ACACA: variants seen among roughly 807,000 people sequenced by gnomAD.
ACACA encodes the protein acetyl-CoA carboxylase alpha.
Under a neutral mutation model 296.1 loss-of-function variants are expected in ACACA, and 103 were observed. That is an observed-to-expected ratio of 0.35 (90% CI 0.30 to 0.41). The LOEUF (loss-of-function observed/expected upper bound fraction) is 0.41. Among genes scored for constraint, ACACA ranks in the 10% least tolerant of loss-of-function variants. The pLI is 1.00. For missense variants in ACACA, 1,554 were observed against 2,989.7 expected, an observed-to-expected ratio of 0.52 and a Z score of 11.20; for synonymous variants, 953 against 1,038.6, an observed-to-expected ratio of 0.92 and a Z score of 1.58.
chr17:37,349,049 C>A (rs1253838130), intron 1 of ACACA, among the ~76,000 whole-genome samples: 2 of 150,344 alleles, frequency 1.3e-5, no homozygotes, highest in African/African-American at 2.4e-5. Context: ...ACAACATATT[C>A]TTTATTATTT....
rs1246073237 is a variant in ACACA at position 37,386,022 on chromosome 17, G to A, written c.38+20240C>T. The A allele has an allele frequency of 3.1e-6, 5 of 1,589,872 alleles. No individual in the cohort carries two copies. In the African/African-American group the frequency reaches 6.7e-5, roughly 21 times the overall value. On this transcript the variant is annotated intron_variant, in intron 1 of 55. Coordinates refer to ENST00000616317, the MANE Select transcript of ACACA (RefSeq NM_198834.3). ...TTTGTTTTATAGCTTTTTTACCAGGGATCTCACAATGTAAAGTCCTGGGGG... is the reference window on the plus strand; with the variant it reads ...TTTGTTTTATAGCTTTTTTACCAGGAATCTCACAATGTAAAGTCCTGGGGG...
chr17:37,265,524 A>G (rs2081723347), intron 10 of ACACA, among the ~76,000 whole-genome samples: 3 of 152,128 alleles, frequency 2.0e-5, no homozygotes, highest in African/African-American at 7.2e-5. Context: ...AACTAAGAAG[A>G]CAAGTTATCT....
rs760360385 is a variant in ACACA at position 37,244,655 on chromosome 17, T to C, written c.2675A>G (p.Tyr892Cys). Residue 892 changes from tyrosine (Y) to cysteine (C), a missense_variant, in exon 21 of 56, where the codon TAT becomes TGT. Physicochemically the swap from Tyr to Cys is radical, Grantham distance 194. Around this residue, in one of 16 missense-constraint regions of ACACA, gnomAD observed 316 missense variants for 540.9 expected, o/e 0.58. Coordinates refer to ENST00000616317, the MANE Select transcript of ACACA (RefSeq NM_198834.3). ...RGEKLHRVFH[Y>C]VLDNLVNVMN... The stretch of plus-strand genomic sequence containing the variant: ...TACATTGACCAGATTATCCAGGACA[T>C]AATGGAACACTCGATGGAGTTTCTC... 2 of 1,614,142 alleles carry C rather than the reference T, an allele frequency of 1.2e-6. No homozygotes were observed. The highest frequency in any genetic ancestry group is 1.7e-6 in the Non-Finnish European group (2 of 1,180,002).
At chr17:37,108,457 C>T (rs891995551) in intron 52 of ACACA, among the ~76,000 whole-genome samples, 4 of 151,638 alleles carry the variant, frequency 2.6e-5, no homozygotes, top group Admixed American at 6.6e-5. Context: ...GGCGCGATCT[C>T]GGCTCACTGC....
intron 50 of ACACA, 108 bp downstream of exon 50, chr17:37,121,247 C>T: frequency 6.7e-7 from 1 of 1,490,878 alleles, no homozygotes. Flanking sequence ...CCCCAAAAAG[C>T]CTAGGCTATT....
intron 11 of ACACA, 63 bp from the exon 12 acceptor site, chr17:37,259,593 G>C (rs1448905080): frequency 6.4e-7 from 1 of 1,571,592 alleles, no homozygotes; most frequent in Non-Finnish European, 8.8e-7. Context: ...GACCACTACA[G>C]CCTCTCACTG....
rs138392919 is a variant in ACACA at position 37,355,212 on chromosome 17, C to T, written c.39-15362G>A. On this transcript the variant is annotated intron_variant, in intron 1 of 55. Coordinates refer to ENST00000616317, the MANE Select transcript of ACACA (RefSeq NM_198834.3). ...GAGCCGAGATCACACCACTGCACTCCAGCCTGGGTGACAAAGTGAGACTCC... is the reference window on the plus strand; with the variant it reads ...GAGCCGAGATCACACCACTGCACTCTAGCCTGGGTGACAAAGTGAGACTCC... Among the ~76,000 whole-genome samples, 1,177 of 151,382 alleles carry T rather than the reference C, an allele frequency of 7.8e-3. 13 individuals carry two copies. The highest frequency in any genetic ancestry group is 0.027 in the African/African-American group (1,113 of 41,180).
chr17:37,275,826 A>C (rs2082264324), intron 8 of ACACA, 125 bp downstream of exon 8: 2 of 829,012 alleles, frequency 2.4e-6, no homozygotes, highest in Admixed American at 1.7e-5. Context: ...GCTACAAGGT[A>C]CCATTAATCA....
intron 54 of ACACA, among the ~76,000 whole-genome samples, chr17:37,092,458 G>C (rs909104798): frequency 7.9e-5 from 12 of 152,076 alleles, no homozygotes; most frequent in African/African-American, 2.9e-4. Context: ...TCACAACAGT[G>C]GCCTGTCCTA....
At chr17:37,391,409 G>T (rs2050878932) in intron 1 of ACACA, among the ~76,000 whole-genome samples, 1 of 152,144 alleles carries the variant, frequency 6.6e-6, no homozygotes, top group African/African-American at 2.4e-5. Context: ...ACAGAACTAT[G>T]ATCCAGATCT....
chr17:37,173,415 A>C (rs2076948489), intron 41 of ACACA, among the ~76,000 whole-genome samples: 1 of 152,034 alleles, frequency 6.6e-6, no homozygotes, highest in African/African-American at 2.4e-5. Flanking sequence ...AATTTCTTCT[A>C]ATCTTTTAGG....
chr17:37,142,381 T>C (rs909000714), intron 45 of ACACA, among the ~76,000 whole-genome samples: 20 of 152,200 alleles, frequency 1.3e-4, no homozygotes, highest in African/African-American at 3.9e-4. Context: ...TTGAGGAATA[T>C]TGAATGAAAA....
intron 44 of ACACA, among the ~76,000 whole-genome samples, chr17:37,150,182 C>T (rs952655968): frequency 5.9e-5 from 9 of 152,182 alleles, no homozygotes; most frequent in African/African-American, 2.2e-4. Flanking sequence ...GGTGCAATGG[C>T]TCATGCCTAT....
intron 3 of ACACA, among the ~76,000 whole-genome samples, chr17:37,305,918 T>C (rs959486985): frequency 6.8e-6 from 1 of 147,188 alleles, no homozygotes; most frequent in African/African-American, 2.5e-5. Flanking sequence ...TTTTTTTTTT[T>C]TTTTTTTTGA....
chr17:37,330,495 T>C (rs2047826675), intron 2 of ACACA, 70 bp from the exon 3 acceptor site: 7 of 1,585,286 alleles, frequency 4.4e-6, no homozygotes, highest in Non-Finnish European at 6.0e-6. Context: ...CAGCCAGAGG[T>C]TATATCTAAT....
intron 2 of ACACA, 78 bp from the exon 3 acceptor site, chr17:37,330,503 A>G (rs2147222871): frequency 6.4e-7 from 1 of 1,572,606 alleles, no homozygotes; most frequent in East Asian, 2.2e-5. Context: ...GGTTATATCT[A>G]ATAAACCATA....
chr17:37,260,276 ATATATATATATATATATATATTTTTT>A (rs1216367449), intron 11 of ACACA, among the ~76,000 whole-genome samples: 565 of 29,826 alleles, frequency 0.019, 41 homozygotes, highest in African/African-American at 0.094. Flanking sequence ...ATATATATAT[ATATATATATATATATATATATTTTTT>A]TTTTTTTTTT....
chr17:37,255,753 T>G (rs1003208700), intron 14 of ACACA, among the ~76,000 whole-genome samples: 1 of 152,170 alleles, frequency 6.6e-6, no homozygotes, highest in Middle Eastern at 3.2e-3. Context: ...TTGTTTGTTT[T>G]TTGTTTTTTT....
At chr17:37,185,858 T>C (rs1456092420) in intron 39 of ACACA, among the ~76,000 whole-genome samples, 2 of 152,176 alleles carry the variant, frequency 1.3e-5, no homozygotes, top group African/African-American at 4.8e-5. Context: ...CGTGAGTCAC[T>C]GCGCCCAGCC....
Sources: allele counts gnomAD v4.1 joint callset (sites outside exome capture counted in the v4.1 genomes callset), GRCh38; gene constraint gnomAD v4.1.1; regional missense constraint gnomAD v4.1.1; transcripts MANE v1.5; gene names NCBI Gene and HGNC (gene_info 2026-07-23, HGNC 2026-07-21).